OTC: variants seen among roughly 807,000 people sequenced by gnomAD.
OTC encodes ornithine transcarbamylase, also known as ornithine transcarbamylase, mitochondrial.
A neutral mutation model predicts 30.3 loss-of-function variants in OTC; 3 were observed. The observed-to-expected ratio is 0.10, with a 90% CI of 0.05 to 0.26. The LOEUF is 0.26. Ranked by LOEUF, OTC falls within the 10% of genes least tolerant of loss-of-function variation. OTC has a pLI of 1.00. For missense variants in OTC, 194 were observed against 260.3 expected (o/e 0.75, Z 1.75); for synonymous variants, 111 against 99.7 (o/e 1.11, Z -0.67).
chrX:38,331,255 T>C, the OTC span, among the ~76,000 whole-genome samples: 2 of 109,944 alleles, frequency 1.8e-5, no homozygotes, highest in African/African-American at 3.3e-5. Flanking sequence ...ATGTTATCTA[T>C]ATAGTATTTT....
At position 38,403,313 on chromosome X, in the gene OTC, A is replaced by G. The variant is rs6609709; in HGVS notation, c.541-305A>G. On this transcript the variant is annotated intron_variant, in intron 5 of 9. Transcript: ENST00000039007. ...ACAGTGTCTCAGTGTCTGGATGTTA[A>G]TGGTGCTCATTTGTATCCAATGAGT... Among the ~76,000 whole-genome samples the G allele has an allele frequency of 0.23, 25,194 of 110,833 alleles. 2,191 individuals are homozygous for G. Among genetic ancestry groups the G allele is most frequent in the South Asian group, 0.3 (780 of 2,589 alleles).
At chrX:38,358,384 G>T (rs1466871042) in intron 1 of OTC, among the ~76,000 whole-genome samples, 2 of 111,358 alleles carry the variant, frequency 1.8e-5, no homozygotes, top group Non-Finnish European at 3.8e-5. Flanking sequence ...GAGCCAAGGG[G>T]AGGTCTGTGA....
At chrX:38,333,944 T>C in the OTC span, among the ~76,000 whole-genome samples, 1 of 112,348 alleles carries the variant, frequency 8.9e-6, no homozygotes, top group African/African-American at 3.2e-5. Context: ...TGAGGACTCA[T>C]AGGTCCAAAG....
At chrX:38,401,577 G>A in intron 5 of OTC, 149 bp downstream of exon 5, 1 of 513,443 alleles carries the variant, frequency 1.9e-6, no homozygotes, top group East Asian at 3.6e-5. Flanking sequence ...TGCATTTTCT[G>A]GGGAAAACAG....
intron 4 of OTC, among the ~76,000 whole-genome samples, 174 bp downstream of exon 4, chrX:38,381,603 A>G (rs1197481411): frequency 2.7e-5 from 3 of 111,482 alleles, no homozygotes; most frequent in Admixed American, 9.6e-5. Flanking sequence ...GCCACTTTCC[A>G]TCGGTTGAAA....
chrX:38,343,740 G>T, the OTC span, among the ~76,000 whole-genome samples: 1 of 112,267 alleles, frequency 8.9e-6, no homozygotes, highest in Non-Finnish European at 1.9e-5. Flanking sequence ...GATTTCAATG[G>T]AAATGTGGTC....
At chrX:38,335,636 G>A in the OTC span, among the ~76,000 whole-genome samples, 1 of 112,787 alleles carries the variant, frequency 8.9e-6, no homozygotes, top group African/African-American at 3.2e-5. Context: ...GAATTGGGAG[G>A]GAGGAAGAAA....
the OTC span, among the ~76,000 whole-genome samples, chrX:38,328,064 A>T: frequency 8.9e-6 from 1 of 112,539 alleles, no homozygotes; most frequent in Admixed American, 9.3e-5. Flanking sequence ...GTAAAAGCTG[A>T]GGTGTATATG....
At chrX:38,386,372 C>A (rs868659197) in intron 4 of OTC, among the ~76,000 whole-genome samples, 47 of 83,956 alleles carry the variant, frequency 5.6e-4, no homozygotes, top group African/African-American at 6.8e-4. Context: ...GACTCCATCT[C>A]AAAAAAAAAA....
intron 4 of OTC, among the ~76,000 whole-genome samples, chrX:38,390,451 A>G (rs763910769): frequency 1.8e-5 from 2 of 112,165 alleles, no homozygotes; most frequent in Non-Finnish European, 3.8e-5. Flanking sequence ...AATCAGAAAC[A>G]TCCATTTTTA....
At chrX:38,355,338 G>T (rs895323177) in intron 1 of OTC, among the ~76,000 whole-genome samples, 2 of 111,494 alleles carry the variant, frequency 1.8e-5, no homozygotes, top group Non-Finnish European at 3.8e-5. Flanking sequence ...GGATAATAGA[G>T]AATATCCTAT....
chrX:38,368,905 T>G (rs1159956284), intron 2 of OTC, among the ~76,000 whole-genome samples: 1 of 108,041 alleles, frequency 9.3e-6, no homozygotes, highest in Non-Finnish European at 1.9e-5. Context: ...CAGAATTCCT[T>G]CTATCAGGAA....
chrX:38,397,901 A>G (rs1281846743), intron 4 of OTC, among the ~76,000 whole-genome samples: 1 of 111,663 alleles, frequency 9.0e-6, no homozygotes, highest in African/African-American at 3.3e-5. Flanking sequence ...AGAATATGGC[A>G]TCAGGATTTT....
At chrX:38,338,793 T>C in the OTC span, among the ~76,000 whole-genome samples, 2 of 112,323 alleles carry the variant, frequency 1.8e-5, no homozygotes, top group African/African-American at 6.5e-5. Flanking sequence ...GTTAGGATGT[T>C]GCTGCTGACT....
chrX:38,401,934 C>T lies in OTC; in HGVS notation c.540+506C>T, dbSNP rs72619455. 3.0e-3 allele frequency among the ~76,000 whole-genome samples: 331 copies of T among 111,690 alleles called. 13 individuals are homozygous for T. The East Asian group carries it at 0.081, about 27-fold the overall frequency. On this transcript the variant is annotated intron_variant, in intron 5 of 9. Transcript: ENST00000039007. ...ATATGCAGAATTTATAGAATTGGGG[C>T]TCAAATTTAGCCATTCTAGTCCTCC...
At chrX:38,333,959 G>A in the OTC span, among the ~76,000 whole-genome samples, 3 of 112,119 alleles carry the variant, frequency 2.7e-5, no homozygotes, top group Non-Finnish European at 5.6e-5. Flanking sequence ...CCAAAGCCAG[G>A]GAGTTTTATT....
At chrX:38,348,020 A>G (rs1266832608), upstream of OTC, among the ~76,000 whole-genome samples, 1 of 112,528 alleles carries the variant, frequency 8.9e-6, no homozygotes, top group Non-Finnish European at 1.9e-5. Context: ...TATCCCCAAT[A>G]GCAACATTTG....
At chrX:38,360,067 C>T (rs1398716892) in intron 1 of OTC, among the ~76,000 whole-genome samples, 1 of 108,764 alleles carries the variant, frequency 9.2e-6, no homozygotes, top group Non-Finnish European at 1.9e-5. Flanking sequence ...ATTACAGGTG[C>T]CTGCCACCAC....
At chrX:38,384,163 C>T (rs958093602) in intron 4 of OTC, among the ~76,000 whole-genome samples, 1 of 111,561 alleles carries the variant, frequency 9.0e-6, no homozygotes, top group African/African-American at 3.3e-5. Context: ...AATATAAGCT[C>T]GGTGGTAAAA....
Sources: allele counts gnomAD v4.1 joint callset (sites outside exome capture counted in the v4.1 genomes callset), GRCh38; gene constraint gnomAD v4.1.1; transcripts MANE v1.5; gene names NCBI Gene and HGNC (gene_info 2026-07-23, HGNC 2026-07-21).